AMBRA1: variants seen among roughly 807,000 people sequenced by gnomAD.
The protein encoded by AMBRA1 is autophagy and beclin 1 regulator 1.
AMBRA1 carries 47 observed loss-of-function variants against 125.4 expected under a neutral mutation model. That is an observed-to-expected ratio of 0.37 (90% CI 0.30 to 0.48). The LOEUF (loss-of-function observed/expected upper bound fraction) is 0.48. Ranked by LOEUF, AMBRA1 falls within the 20% of genes least tolerant of loss-of-function variation. The probability of loss-of-function intolerance (pLI) is 0.99; values close to 1 mark genes in which losing one functional copy is unlikely to be tolerated. For synonymous variants in AMBRA1, 626 were observed against 655.5 expected (o/e 0.95, Z 0.69); for missense variants, 1,331 against 1,693.4 (o/e 0.79, Z 3.76).
rs936742748 is a variant in AMBRA1, at chr11:46,450,484, G to T, written c.2522-6886C>A. Among the ~76,000 whole-genome samples, 3 of 151,942 alleles carry T rather than the reference G, an allele frequency of 2.0e-5. No homozygotes were observed. In the East Asian group the frequency reaches 5.8e-4, roughly 29 times the overall value. The stretch of plus-strand genomic sequence containing the variant: ...AGAGAGGGTCTCACTCCATTGCCCA[G>T]GCTGGAGTGCAGTGGTGCAATCACG... On this transcript the variant is annotated intron_variant, in intron 11 of 17. Coordinates refer to ENST00000683756, the MANE Select transcript of AMBRA1 (RefSeq NM_001387011.1).
intron 11 of AMBRA1, among the ~76,000 whole-genome samples, chr11:46,454,111 T>C (rs914566682): frequency 3.9e-5 from 6 of 152,170 alleles, no homozygotes; most frequent in Non-Finnish European, 7.3e-5. Flanking sequence ...ATAGCAATGA[T>C]AGTCTGAGAG....
At chr11:46,475,635 G>A (rs983006299) in intron 11 of AMBRA1, among the ~76,000 whole-genome samples, 11 of 152,270 alleles carry the variant, frequency 7.2e-5, no homozygotes, top group Admixed American at 4.6e-4. Flanking sequence ...GAGCCCCTGA[G>A]GCCATTCCCA....
intron 14 of AMBRA1, among the ~76,000 whole-genome samples, chr11:46,427,737 G>A (rs1027504019): frequency 1.7e-4 from 26 of 152,156 alleles, no homozygotes; most frequent in Non-Finnish European, 2.6e-4. Flanking sequence ...GGCCGGGAGC[G>A]CTGGCTCATG....
At chr11:46,589,055 T>C (rs2135343691) in intron 1 of AMBRA1, among the ~76,000 whole-genome samples, 1 of 152,284 alleles carries the variant, frequency 6.6e-6, no homozygotes, top group South Asian at 2.1e-4. Context: ...ATAAAGGACA[T>C]TAACCTTCCC....
chr11:46,520,162 C>A (rs1040183099), intron 7 of AMBRA1, among the ~76,000 whole-genome samples: 2 of 149,698 alleles, frequency 1.3e-5, no homozygotes, highest in Admixed American at 6.7e-5. Flanking sequence ...AAAAAAATTA[C>A]GAGGCTCCTA....
intron 7 of AMBRA1, among the ~76,000 whole-genome samples, chr11:46,517,564 G>C (rs981947555): frequency 2.1e-5 from 3 of 140,902 alleles, no homozygotes; most frequent in African/African-American, 8.0e-5. Flanking sequence ...GCCGGGTGCA[G>C]TGGCTCACGC....
chr11:46,409,643 C>A (rs1054737409), intron 16 of AMBRA1, among the ~76,000 whole-genome samples: 1 of 152,240 alleles, frequency 6.6e-6, no homozygotes, highest in African/African-American at 2.4e-5. Flanking sequence ...ATCTCCCAGG[C>A]ACTGCCTTGG....
intron 15 of AMBRA1, among the ~76,000 whole-genome samples, chr11:46,411,485 C>T (rs1468553865): frequency 6.6e-6 from 1 of 152,066 alleles, no homozygotes; most frequent in Non-Finnish European, 1.5e-5. Flanking sequence ...GCCTTTTTTT[C>T]TGAGATGGAG....
chr11:46,399,033 C>CA (rs1375265758), intron 17 of AMBRA1, among the ~76,000 whole-genome samples: 1 of 152,050 alleles, frequency 6.6e-6, no homozygotes, highest in African/African-American at 2.4e-5. Flanking sequence ...CTCGGCCTCC[C>CA]AAAGTGCTAG....
chr11:46,416,458 C>T (rs993140218), intron 15 of AMBRA1, among the ~76,000 whole-genome samples: 1 of 152,208 alleles, frequency 6.6e-6, no homozygotes, highest in Non-Finnish European at 1.5e-5. Context: ...AGACAGTAGT[C>T]TGTCTTTGGG....
At chr11:46,589,689 G>A (rs61882757) in intron 1 of AMBRA1, among the ~76,000 whole-genome samples, 27,104 of 151,616 alleles carry the variant, frequency 0.18, 2,617 homozygotes, top group African/African-American at 0.25. Flanking sequence ...GTGCTAACTC[G>A]GCTAACTGCA....
At chr11:46,469,966 C>T (rs1949510408) in intron 11 of AMBRA1, among the ~76,000 whole-genome samples, 1 of 151,972 alleles carries the variant, frequency 6.6e-6, no homozygotes. Context: ...GAATGAGCCA[C>T]TGTGCCCAGC....
Position 46,588,255 on chromosome 11 carries a change from C to T in AMBRA1, c.-121+5573G>A, listed in dbSNP as rs544398662. 1.5e-4 allele frequency among the ~76,000 whole-genome samples: 23 copies of T among 152,252 alleles called. No individual in the cohort carries two copies. The South Asian group carries it at 2.5e-3, about 16-fold the overall frequency. On this transcript the variant is annotated intron_variant, in intron 1 of 17. Transcript: ENST00000683756. Reference sequence around the variant, plus strand: ...GCTGAGGAGGGGGAATCACTTGAACCTGGGAGGCGCAGGTTGCAATGAGCC... The same window carrying T: ...GCTGAGGAGGGGGAATCACTTGAACTTGGGAGGCGCAGGTTGCAATGAGCC...
Position 46,422,607 on chromosome 11 carries a change from A to C in AMBRA1, c.2977-4555T>G, listed in dbSNP as rs898540508. Among the ~76,000 whole-genome samples, 7 of 152,118 alleles carry C rather than the reference A, an allele frequency of 4.6e-5. No individual in the cohort carries two copies. In the South Asian group the frequency reaches 1.5e-3, roughly 32 times the overall value. ...GAGGGAGCCAGGAGGTCAGCGGGAA[A>C]CCTTCTTCTCCATCCTTTTAAAATG... On this transcript the variant is annotated intron_variant, in intron 14 of 17. Coordinates refer to ENST00000683756, the MANE Select transcript of AMBRA1 (RefSeq NM_001387011.1).
At chr11:46,535,321 C>T (rs1295925272) in intron 7 of AMBRA1, among the ~76,000 whole-genome samples, 4 of 152,052 alleles carry the variant, frequency 2.6e-5, no homozygotes, top group African/African-American at 9.7e-5. Flanking sequence ...AGAGGTAAAG[C>T]AAAACTTTCT....
At chr11:46,536,847 T>G (rs1952502731) in intron 7 of AMBRA1, among the ~76,000 whole-genome samples, 2 of 152,214 alleles carry the variant, frequency 1.3e-5, no homozygotes, top group Admixed American at 1.3e-4. Flanking sequence ...ATGGCCACAT[T>G]TCACACTAAG....
chr11:46,439,960 T>C (rs981166259), intron 12 of AMBRA1, among the ~76,000 whole-genome samples: 1 of 152,120 alleles, frequency 6.6e-6, no homozygotes, highest in Admixed American at 6.5e-5. Context: ...AAAAATTTGA[T>C]AGTACATTCT....
Position 46,548,314 on chromosome 11 carries a change from T to C in AMBRA1, c.67A>G (p.Met23Val), listed in dbSNP as rs1463453514. 91 of 1,614,056 alleles carry C rather than the reference T, an allele frequency of 5.6e-5. No homozygotes were observed. Among genetic ancestry groups the C allele is most frequent in the Non-Finnish European group, 7.5e-5 (88 of 1,180,044 alleles). Residue 23 changes from methionine to valine, a missense_variant, in exon 2 of 18, where the codon ATG becomes GTG. This residue lies in a region of AMBRA1 where 144 missense variants were observed against 250.4 expected (regional missense o/e 0.58). Transcript: ENST00000683756. ...TCCTGCAGAAGCCGCTGAGCTCCCATGGCCCGAGCACCCCGTTCTCGCCCC... is the reference window on the plus strand; with the variant it reads ...TCCTGCAGAAGCCGCTGAGCTCCCACGGCCCGAGCACCCCGTTCTCGCCCC... Reference protein sequence around the residue: ...LWGRERGARAMGAQRLLQELV... With the variant: ...LWGRERGARAVGAQRLLQELV...
At chr11:46,530,181 A>G (rs569593671) in intron 7 of AMBRA1, among the ~76,000 whole-genome samples, 5 of 150,448 alleles carry the variant, frequency 3.3e-5, no homozygotes, top group African/African-American at 1.3e-4. Context: ...ACGTATTTGC[A>G]GCACACATAC....
Sources: gnomAD v4.1 joint callset for allele counts (sites outside exome capture counted in the v4.1 genomes callset) on GRCh38, gnomAD v4.1.1 for gene constraint, gnomAD v4.1.1 regional missense constraint, MANE v1.5 for transcripts, NCBI Gene and HGNC (gene_info 2026-07-23, HGNC 2026-07-21) for gene names.